XPR1: variants seen among roughly 807,000 people sequenced by gnomAD.
The protein encoded by XPR1 is solute carrier family 53 member 1.
XPR1 carries 28 observed loss-of-function variants against 87.5 expected under a neutral mutation model. That is an observed-to-expected ratio of 0.32 (90% CI 0.24 to 0.44). The LOEUF (loss-of-function observed/expected upper bound fraction) is 0.44, where lower values mean the gene tolerates loss of function less well. XPR1 is among the 20% of genes least tolerant of loss of function. XPR1 has a pLI of 1.00. For synonymous variants in XPR1, 300 were observed against 306.1 expected (o/e 0.98, Z 0.21); for missense variants, 559 against 862.3 (o/e 0.65, Z 4.41).
intron 1 of XPR1, among the ~76,000 whole-genome samples, chr1:180,655,309 A>T (rs995905041): frequency 6.6e-6 from 1 of 151,318 alleles, no homozygotes; most frequent in Admixed American, 6.6e-5. Flanking sequence ...TCTATTCTGG[A>T]TATGAACCCC....
intron 2 of XPR1, among the ~76,000 whole-genome samples, chr1:180,725,382 T>G (rs925501476): frequency 2.8e-4 from 42 of 152,018 alleles, no homozygotes; most frequent in Admixed American, 2.8e-3. Context: ...GGTAAAAATT[T>G]GGGGGAAAAA....
At chr1:180,784,449 ATAT>A (rs1649058046) in intron 2 of XPR1, among the ~76,000 whole-genome samples, 1 of 152,090 alleles carries the variant, frequency 6.6e-6, no homozygotes, top group Non-Finnish European at 1.5e-5. Flanking sequence ...ATTTTTAAAA[ATAT>A]ATTTTGCATG....
At chr1:180,736,814 G>A (rs1658744088) in intron 2 of XPR1, among the ~76,000 whole-genome samples, 1 of 152,106 alleles carries the variant, frequency 6.6e-6, no homozygotes, top group African/African-American at 2.4e-5. Flanking sequence ...GACATTATGT[G>A]TTCAACAGTG....
At chr1:180,643,805 A>G (rs1315663896) in intron 1 of XPR1, among the ~76,000 whole-genome samples, 2 of 152,138 alleles carry the variant, frequency 1.3e-5, no homozygotes, top group African/African-American at 4.8e-5. Flanking sequence ...GAAATTTGGT[A>G]GAACTATTAG....
chr1:180,752,464 G>A (rs943632915), intron 2 of XPR1, among the ~76,000 whole-genome samples: 10 of 152,094 alleles, frequency 6.6e-5, no homozygotes, highest in Admixed American at 3.9e-4. Context: ...AGCTTTAGCA[G>A]TAACAACTTT....
intron 1 of XPR1, among the ~76,000 whole-genome samples, chr1:180,640,270 A>C (rs1310271677): frequency 6.6e-6 from 1 of 152,188 alleles, no homozygotes; most frequent in Non-Finnish European, 1.5e-5. Context: ...TGGTGGTAGT[A>C]GTGGCAATAA....
chr1:180,768,374 C>A (rs1371692314), intron 2 of XPR1, among the ~76,000 whole-genome samples: 1 of 152,180 alleles, frequency 6.6e-6, no homozygotes. Context: ...ATTGATGCTT[C>A]TGTAGGAGAC....
At chr1:180,720,074 G>C (rs1024077317) in intron 2 of XPR1, among the ~76,000 whole-genome samples, 56 of 151,980 alleles carry the variant, frequency 3.7e-4, no homozygotes, top group Non-Finnish European at 5.9e-4. Flanking sequence ...TTACAACAAG[G>C]TAAGTGGTTC....
At chr1:180,771,713 TC>T (rs1648521705) in intron 2 of XPR1, among the ~76,000 whole-genome samples, 1 of 152,240 alleles carries the variant, frequency 6.6e-6, no homozygotes, top group East Asian at 1.9e-4. Context: ...TGATGTTTTC[TC>T]ATTTTTGGAT....
intron 11 of XPR1, among the ~76,000 whole-genome samples, chr1:180,847,367 C>A (rs142911428): frequency 2.3e-4 from 35 of 152,268 alleles, no homozygotes; most frequent in African/African-American, 7.7e-4. Flanking sequence ...ATTTAATCAA[C>A]CCTTCTTCCA....
At chr1:180,847,219 T>C (rs536881104) in intron 11 of XPR1, among the ~76,000 whole-genome samples, 12 of 152,354 alleles carry the variant, frequency 7.9e-5, no homozygotes, top group African/African-American at 2.6e-4. Flanking sequence ...TTCTCACTTA[T>C]GAATATTAGA....
intron 2 of XPR1, among the ~76,000 whole-genome samples, chr1:180,742,732 G>A (rs1381063864): frequency 6.6e-6 from 1 of 152,018 alleles, no homozygotes; most frequent in African/African-American, 2.4e-5. Flanking sequence ...TAAGAGTTAT[G>A]TTGAAGTCTC....
At chr1:180,728,293 T>G (rs1658426715) in intron 2 of XPR1, among the ~76,000 whole-genome samples, 1 of 82,464 alleles carries the variant, frequency 1.2e-5, no homozygotes, top group Non-Finnish European at 2.4e-5. Context: ...GAGTTGTTTA[T>G]AACTGGGGGG....
At position 180,659,369 on chromosome 1, in the gene XPR1, G is replaced by T. The variant is rs149360716; in HGVS notation, c.70-22991G>T. ...CTTCCTTCCGTCCTTCCGTCCTTCCGTCCGTCCTTCCGTCCTTCCTTCCTT... is the reference window on the plus strand; with the variant it reads ...CTTCCTTCCGTCCTTCCGTCCTTCCTTCCGTCCTTCCGTCCTTCCTTCCTT... On this transcript the variant is annotated intron_variant, in intron 1 of 14. Coordinates refer to ENST00000367590, the MANE Select transcript of XPR1 (RefSeq NM_004736.4). Among the ~76,000 whole-genome samples, 449 of 60,260 alleles carry T rather than the reference G, an allele frequency of 7.5e-3. 1 individual carries two copies. Among genetic ancestry groups the T allele is most frequent in the Non-Finnish European group, 1.0e-2 (319 of 31,992 alleles). 39.5% of individuals were successfully genotyped at this position (60,260 alleles called of 152,430 possible). A position where few individuals can be genotyped will look rare whatever the true frequency, so the allele number is the denominator to read the frequency against.
At chr1:180,718,855 G>A (rs186845843) in intron 2 of XPR1, among the ~76,000 whole-genome samples, 17 of 152,100 alleles carry the variant, frequency 1.1e-4, no homozygotes, top group Non-Finnish European at 2.5e-4. Context: ...TTTTAGTAGA[G>A]ACGAGGTTTC....
chr1:180,833,448 A>G (rs1486376108), intron 9 of XPR1, among the ~76,000 whole-genome samples: 1 of 152,148 alleles, frequency 6.6e-6, no homozygotes, highest in Admixed American at 6.6e-5. Context: ...ACATGCAAAG[A>G]CACACATAGG....
rs537662588 is a variant in XPR1 at position 180,766,407 on chromosome 1, A to G, written c.122-21346A>G. ...AAAGAAATGCTGAATCTGGTACATA[A>G]TAAACATGCAGTAGACATTATTTGG... is the stretch of plus-strand genomic sequence containing the variant. On this transcript the variant is annotated intron_variant, in intron 2 of 14. Transcript: ENST00000367590. 2.0e-5 allele frequency among the ~76,000 whole-genome samples: 3 copies of G among 152,312 alleles called. No individual in the cohort carries two copies. In the East Asian group the frequency reaches 5.8e-4, roughly 29 times the overall value.
chr1:180,881,996 T>C (rs991215864), intron 14 of XPR1, among the ~76,000 whole-genome samples: 1 of 151,956 alleles, frequency 6.6e-6, no homozygotes, highest in Admixed American at 6.6e-5. Context: ...GAGCACTGAG[T>C]GGGTCAGTGA....
chr1:180,647,405 G>T (rs919035440), intron 1 of XPR1, among the ~76,000 whole-genome samples: 2 of 152,218 alleles, frequency 1.3e-5, no homozygotes, highest in Non-Finnish European at 2.9e-5. Context: ...GAATTTTTCA[G>T]TTGTATTATA....
Sources: allele counts gnomAD v4.1 joint callset (sites outside exome capture counted in the v4.1 genomes callset), GRCh38; gene constraint gnomAD v4.1.1; transcripts MANE v1.5; gene names NCBI Gene and HGNC (gene_info 2026-07-23, HGNC 2026-07-21).